Variants in IGFBP7 observed in about 807,000 individuals in gnomAD.
IGFBP7 encodes the protein insulin-like growth factor-binding protein 7.
Under a neutral mutation model 29.4 loss-of-function variants are expected in IGFBP7, and 31 were observed. That is an observed-to-expected ratio of 1.05 (90% CI 0.79 to 1.42). The LOEUF is 1.42. IGFBP7 is among the 40% of genes most tolerant of loss of function. IGFBP7 has a pLI of 0.00. For missense variants in IGFBP7, 393 were observed against 395.5 expected, an observed-to-expected ratio of 0.99 and a Z score of 0.05; for synonymous variants, 172 against 174.9, an observed-to-expected ratio of 0.98 and a Z score of 0.13.
intron 1 of IGFBP7, among the ~76,000 whole-genome samples, chr4:57,086,085 AG>A (rs1725491809): frequency 6.6e-6 from 1 of 152,180 alleles, no homozygotes; most frequent in Admixed American, 6.5e-5. Context: ...ATGGCTTGGG[AG>A]GCCTCACAAT....
intron 1 of IGFBP7, among the ~76,000 whole-genome samples, chr4:57,087,521 C>G (rs1111628): frequency 0.93 from 142,226 of 152,310 alleles, 66,450 homozygotes; most frequent in Middle Eastern, 0.98. Context: ...ACAGGAGTCC[C>G]TGGGCACTAC....
At chr4:57,043,580 C>T (rs1012686641) in intron 1 of IGFBP7, among the ~76,000 whole-genome samples, 6 of 152,168 alleles carry the variant, frequency 3.9e-5, no homozygotes, top group Non-Finnish European at 7.4e-5. Context: ...GCATTAGAAG[C>T]TGATTTTTTT....
At chr4:57,100,064 T>A (rs1276234915) in intron 1 of IGFBP7, among the ~76,000 whole-genome samples, 1 of 61,704 alleles carries the variant, frequency 1.6e-5, no homozygotes, top group Non-Finnish European at 3.3e-5. Flanking sequence ...TTCTTTTTCT[T>A]TTCTTTCTTT....
intron 1 of IGFBP7, among the ~76,000 whole-genome samples, chr4:57,087,847 C>G (rs1725533801): frequency 6.6e-6 from 1 of 152,350 alleles, no homozygotes; most frequent in African/African-American, 2.4e-5. Context: ...TGCCAATGAT[C>G]ACTGTTAGTC....
intron 1 of IGFBP7, among the ~76,000 whole-genome samples, chr4:57,098,645 C>T (rs1394697273): frequency 1.3e-5 from 2 of 152,198 alleles, no homozygotes; most frequent in South Asian, 2.1e-4. Context: ...TTGATCTCTG[C>T]CCCAGCCTGC....
chr4:57,077,619 A>G (rs1308319142), intron 1 of IGFBP7, among the ~76,000 whole-genome samples: 1 of 152,206 alleles, frequency 6.6e-6, no homozygotes, highest in Non-Finnish European at 1.5e-5. Context: ...TTGACAGAAC[A>G]TATTACTCTG....
At chr4:57,042,773 T>C (rs1474322411) in intron 1 of IGFBP7, among the ~76,000 whole-genome samples, 1 of 152,244 alleles carries the variant, frequency 6.6e-6, no homozygotes, top group Non-Finnish European at 1.5e-5. Context: ...TTTCCTGTGG[T>C]CTCTGGCTGC....
intron 1 of IGFBP7, among the ~76,000 whole-genome samples, chr4:57,047,665 A>G (rs536184771): frequency 4.2e-4 from 64 of 152,356 alleles, no homozygotes; most frequent in Admixed American, 1.2e-3. Context: ...AATTTAATGA[A>G]TCATATCACC....
In IGFBP7 at chr4:57,073,008, G is replaced by A. The variant is rs915453629; in HGVS notation, c.476-32075C>T. 4.2e-5 allele frequency: 43 copies of A among 1,017,454 alleles called. No individual in the cohort carries two copies. In the African/African-American group the frequency reaches 4.6e-4, roughly 11 times the overall value. The allele number at this position is 1,017,454 out of a possible 1,614,324, so 63.0% of individuals were successfully genotyped here. On this transcript the variant is annotated intron_variant, in intron 1 of 4. Transcript: ENST00000295666. The stretch of plus-strand genomic sequence containing the variant: ...ATCCTGCTCTCCATCCACAGCCTTC[G>A]AGGCAAACCCAACATTGATAGCTCG...
At chr4:57,063,144 C>T (rs1724838059) in intron 1 of IGFBP7, among the ~76,000 whole-genome samples, 1 of 152,024 alleles carries the variant, frequency 6.6e-6, no homozygotes, top group South Asian at 2.1e-4. Context: ...CCCACCCCTC[C>T]GTAGCTTTGC....
At chr4:57,104,558 T>C (rs986037381) in intron 1 of IGFBP7, among the ~76,000 whole-genome samples, 7 of 152,222 alleles carry the variant, frequency 4.6e-5, no homozygotes, top group Admixed American at 4.6e-4. Flanking sequence ...GACATTTAAA[T>C]GATATATTAT....
chr4:57,047,218 C>T (rs1442426832), intron 1 of IGFBP7, among the ~76,000 whole-genome samples: 1 of 152,130 alleles, frequency 6.6e-6, no homozygotes, highest in Non-Finnish European at 1.5e-5. Flanking sequence ...CTCGTAATAG[C>T]GACTAAGTCT....
intron 1 of IGFBP7, among the ~76,000 whole-genome samples, chr4:57,059,642 G>T (rs13115437): frequency 0.078 from 11,914 of 152,074 alleles, 546 homozygotes; most frequent in Middle Eastern, 0.095. Context: ...GCAACTATTG[G>T]GTACTAGGCC....
chr4:57,094,587 C>T (rs1164893299), intron 1 of IGFBP7, among the ~76,000 whole-genome samples: 4 of 152,158 alleles, frequency 2.6e-5, no homozygotes, highest in Admixed American at 6.5e-5. Context: ...ATGGGATAGT[C>T]AAAACAAGGC....
rs769240893 is a variant in IGFBP7 at position 57,033,295 on chromosome 4, T to C, written c.602A>G (p.Tyr201Cys). 1.9e-6 allele frequency: 3 copies of C among 1,613,300 alleles called. No individual in the cohort carries two copies. Among genetic ancestry groups the C allele is most frequent in the Admixed American group, 1.7e-5 (1 of 60,024 alleles). ...LIWNKVKRGH[Y>C]GVQRTELLPG... Reference sequence around the variant, plus strand: ...CAGGAGTTCTGTCCTTTGAACTCCATAGTGACCCCTTTTTACCTGCAAAAA... The same window carrying C: ...CAGGAGTTCTGTCCTTTGAACTCCACAGTGACCCCTTTTTACCTGCAAAAA... The change falls in exon 3 of 5, where the codon TAT becomes TGT. Residue 201 changes from tyrosine to cysteine, a missense_variant. Coordinates refer to ENST00000295666, the MANE Select transcript of IGFBP7 (RefSeq NM_001553.3).
At chr4:57,106,146 T>A (rs1308268065) in intron 1 of IGFBP7, among the ~76,000 whole-genome samples, 1 of 152,128 alleles carries the variant, frequency 6.6e-6, no homozygotes, top group Non-Finnish European at 1.5e-5. Context: ...GATCTCGTGA[T>A]CCGCCCGCCT....
chr4:57,096,916 G>GA (rs745821274), intron 1 of IGFBP7, among the ~76,000 whole-genome samples: 4 of 152,168 alleles, frequency 2.6e-5, no homozygotes, highest in Non-Finnish European at 5.9e-5. Flanking sequence ...AGAGACACAT[G>GA]AATTACAGCA....
At chr4:57,043,863 G>A (rs568484449) in intron 1 of IGFBP7, among the ~76,000 whole-genome samples, 7 of 152,272 alleles carry the variant, frequency 4.6e-5, no homozygotes, top group Admixed American at 2.0e-4. Context: ...ACCCTATCCC[G>A]GGCTTCCTCT....
At chr4:57,038,214 A>T (rs1247362668) in intron 2 of IGFBP7, among the ~76,000 whole-genome samples, 1 of 152,230 alleles carries the variant, frequency 6.6e-6, no homozygotes, top group Non-Finnish European at 1.5e-5. Flanking sequence ...AGGTGACCCG[A>T]CCTGGGCTTG....
Sources: allele counts gnomAD v4.1 joint callset (sites outside exome capture counted in the v4.1 genomes callset), GRCh38; gene constraint gnomAD v4.1.1; transcripts MANE v1.5; gene names NCBI Gene and HGNC (gene_info 2026-07-23, HGNC 2026-07-21).